The following OR2T6 variants were observed in gnomAD, a reference collection of about 807,000 sequenced individuals.
OR2T6 encodes the protein olfactory receptor family 2 subfamily T member 6, also known as olfactory receptor 2T6.
For synonymous variants in OR2T6, 174 were observed against 148.0 expected, an observed-to-expected ratio of 1.18 and a Z score of -1.27; for missense variants, 424 against 391.6, an observed-to-expected ratio of 1.08 and a Z score of -0.70.
chr1:248,377,683 A>G (rs187237658), intron 1 of OR2T6, among the ~76,000 whole-genome samples: 2 of 152,348 alleles, frequency 1.3e-5, no homozygotes, highest in Admixed American at 1.3e-4. Flanking sequence ...TGAAATACAA[A>G]GTTCATAGTA....
At chr1:248,387,445 G>C (rs1488594625) in intron 2 of OR2T6, among the ~76,000 whole-genome samples, 160 bp from the exon 3 acceptor site, 1 of 152,082 alleles carries the variant, frequency 6.6e-6, no homozygotes, top group Non-Finnish European at 1.5e-5. Context: ...AAATAGCCAA[G>C]AAAAAGGAAG....
chr1:248,376,667 A>T (rs1558303475), intron 1 of OR2T6, among the ~76,000 whole-genome samples: 1 of 148,924 alleles, frequency 6.7e-6, no homozygotes, highest in Non-Finnish European at 1.5e-5. Flanking sequence ...ATTTTTTTCA[A>T]CTTTTATTTT....
At position 248,387,999 on chromosome 1, in the gene OR2T6, C is replaced by T. The variant is rs758848003; in HGVS notation, c.391C>T (p.Arg131Cys). 2.9e-5 allele frequency: 46 copies of T among 1,611,952 alleles called. No individual in the cohort carries two copies. Among genetic ancestry groups the T allele is most frequent in the Admixed American group, 1.3e-4 (8 of 59,930 alleles). Reference protein sequence around the residue: ...DRYVAICNPLRYPVLISWRVC... With the variant: ...DRYVAICNPLCYPVLISWRVC... ...CTACGTGGCCATCTGCAACCCACTGCGCTATCCTGTCCTCATCAGCTGGCG... is the reference window on the plus strand; with the variant it reads ...CTACGTGGCCATCTGCAACCCACTGTGCTATCCTGTCCTCATCAGCTGGCG... The change falls in exon 3 of 3, where the codon CGC (arginine) becomes TGC (cysteine). Residue 131 changes from arginine to cysteine, a missense_variant. By Grantham distance (180) the Arg-to-Cys change is radical (BLOSUM62 -3). Transcript: ENST00000641644.
intron 1 of OR2T6, among the ~76,000 whole-genome samples, chr1:248,379,001 T>A (rs533654121): frequency 6.6e-6 from 1 of 152,198 alleles, no homozygotes; most frequent in Admixed American, 6.5e-5. Context: ...GGCAAGACCC[T>A]GTTTCTACAA....
rs371220147 is a variant in OR2T6, at chr1:248,387,635, C to A, written c.27C>A (p.Thr9=). Residue 9 remains threonine (T), a synonymous_variant, in exon 3 of 3, where the codon ACC becomes ACA. Transcript: ENST00000641644. MNENNETL[T]RGFTLMGLFT... ...TGAATGAAAACAATGAAACCTTGAC[C>A]AGAGGCTTTACCCTCATGGGGCTCT... 1 of 1,593,750 alleles carries A rather than the reference C, an allele frequency of 6.3e-7. No homozygotes were observed. Among genetic ancestry groups the A allele is most frequent in the African/African-American group, 1.3e-5 (1 of 74,416 alleles).
chr1:248,384,414 G>T (rs1280301981), intron 1 of OR2T6, among the ~76,000 whole-genome samples: 2 of 65,920 alleles, frequency 3.0e-5, no homozygotes, highest in Admixed American at 1.5e-4. Flanking sequence ...TCATCATGGA[G>T]AAAGCACTGC....
intron 2 of OR2T6, among the ~76,000 whole-genome samples, chr1:248,385,890 A>G (rs149172633): frequency 6.6e-5 from 10 of 152,350 alleles, no homozygotes; most frequent in African/African-American, 2.2e-4. Flanking sequence ...TCCTTTGCAT[A>G]TGTTACATGA....
rs560874578 is a variant in OR2T6 at position 248,391,257 on chromosome 1, C to A, written c.*2722C>A. ...TTAAATGGATAAAGTGTGGCACATG[C>A]ATACAGTGGAATATTATTTAGTGTT... is the stretch of plus-strand genomic sequence containing the variant. On this transcript the variant is annotated 3_prime_UTR_variant, in exon 3 of 3. Coordinates refer to ENST00000641644, the MANE Select transcript of OR2T6 (RefSeq NM_001005471.2). 1 of 152,096 alleles carries A rather than the reference C, an allele frequency of 6.6e-6. No individual in the cohort carries two copies. Among genetic ancestry groups the A allele is most frequent in the East Asian group, 1.9e-4 (1 of 5,196 alleles). 9.4% of individuals were successfully genotyped at this position (152,096 alleles called of 1,614,324 possible). A position where few individuals can be genotyped will look rare whatever the true frequency, so the allele number is the denominator to read the frequency against.
chr1:248,382,025 C>G (rs1260261806), intron 1 of OR2T6, among the ~76,000 whole-genome samples: 3 of 152,076 alleles, frequency 2.0e-5, no homozygotes, highest in African/African-American at 7.2e-5. Flanking sequence ...AACTTGGGCC[C>G]TTTCTATTAT....
Position 248,388,579 on chromosome 1 carries a change from C to T in OR2T6, c.*44C>T, listed in dbSNP as rs143008501. The T allele has an allele frequency of 6.9e-5, 99 of 1,438,278 alleles. No homozygotes were observed. The African/African-American group carries it at 1.3e-3, about 18-fold the overall frequency. The allele number at this position is 1,438,278 out of a possible 1,614,324, so 89.1% of individuals were successfully genotyped here. A position where few individuals can be genotyped will look rare whatever the true frequency, so the allele number is the denominator to read the frequency against. ...AGGAAAGAATTCTGATGGTCTAAAA[C>T]CTCCACATCCTGTTCAGGCATATAT... On this transcript the variant is annotated 3_prime_UTR_variant, in exon 3 of 3. Coordinates refer to ENST00000641644, the MANE Select transcript of OR2T6 (RefSeq NM_001005471.2).
chr1:248,375,848 C>T lies in OR2T6; in HGVS notation c.-365C>T, dbSNP rs947146731. The T allele has an allele frequency of 7.4e-5, 11 of 148,772 alleles. No individual in the cohort carries two copies. Among genetic ancestry groups the T allele is most frequent in the African/African-American group, 2.9e-4 (11 of 38,568 alleles). The allele number at this position is 148,772 out of a possible 1,614,324, so 9.2% of individuals were successfully genotyped here. On this transcript the variant is annotated 5_prime_UTR_variant, in exon 1 of 3. Coordinates refer to ENST00000641644, the MANE Select transcript of OR2T6 (RefSeq NM_001005471.2). ...TCTTCAAATACCTCTAACTGGCACT[C>T]TCTTTTTTTTTTTGAAGCTTTTGCC... is the stretch of plus-strand genomic sequence containing the variant.
intron 1 of OR2T6, among the ~76,000 whole-genome samples, chr1:248,379,654 TGA>T (rs1020669321): frequency 6.6e-6 from 1 of 152,192 alleles, no homozygotes; most frequent in Admixed American, 6.5e-5. Flanking sequence ...TTTATAATTA[TGA>T]GAGTTTTCTG....
Position 248,387,707 on chromosome 1 carries a change from C to T in OR2T6, c.99C>T (p.Ala33=), listed in dbSNP as rs141047914. The T allele has an allele frequency of 1.4e-4, 230 of 1,613,552 alleles. No homozygotes were observed. Among genetic ancestry groups the T allele is most frequent in the Non-Finnish European group, 1.8e-4 (215 of 1,179,662 alleles). Residue 33 remains alanine (A), a synonymous_variant, in exon 3 of 3, where the codon GCC becomes GCT. Coordinates refer to ENST00000641644, the MANE Select transcript of OR2T6 (RefSeq NM_001005471.2). ...CSGFFFGVIC[A]VFFMAMIANG... is the part of the protein sequence containing the mutation. Reference sequence around the variant, plus strand: ...GATTCTTTTTCGGTGTCATTTGTGCCGTCTTCTTCATGGCCATGATAGCTA... The same window carrying T: ...GATTCTTTTTCGGTGTCATTTGTGCTGTCTTCTTCATGGCCATGATAGCTA...
At chr1:248,386,299 G>A (rs145566787) in intron 2 of OR2T6, among the ~76,000 whole-genome samples, 1 of 152,160 alleles carries the variant, frequency 6.6e-6, no homozygotes, top group South Asian at 2.1e-4. Context: ...ATCTAAGATT[G>A]TGTATGGTTT....
chr1:248,379,118 T>C (rs911585037), intron 1 of OR2T6, among the ~76,000 whole-genome samples: 1 of 152,134 alleles, frequency 6.6e-6, no homozygotes, highest in Non-Finnish European at 1.5e-5. Context: ...GAGGCTACAA[T>C]GAGCAGTGAT....
Position 248,388,495 on chromosome 1 carries a change from A to T in OR2T6, c.887A>T (p.Asp296Val). The change falls in exon 3 of 3, where the codon GAT (aspartate) becomes GTT (valine). Residue 296 changes from aspartate (D) to valine (V), a missense_variant. Physicochemically the swap from Asp to Val is radical, Grantham distance 152 (BLOSUM62 -3). Coordinates refer to ENST00000641644, the MANE Select transcript of OR2T6 (RefSeq NM_001005471.2). ...NPLIYSLRNR[D>V]VMGALKRVVA... ...CTCATCTACAGTCTGAGGAACAGGG[A>T]TGTGATGGGTGCCTTGAAGAGAGTT... 1 of 1,592,492 alleles carries T rather than the reference A, an allele frequency of 6.3e-7. No homozygotes were observed. Among genetic ancestry groups the T allele is most frequent in the Non-Finnish European group, 8.5e-7 (1 of 1,169,950 alleles).
At position 248,383,635 on chromosome 1, in the gene OR2T6, C is replaced by T. The variant is rs76326665; in HGVS notation, c.-158-1076C>T. ...CTAGCCTGAGTGTGCTCATCCTATC[C>T]TGAAGTGTTTCCTAATGTTATTGTC... On this transcript the variant is annotated intron_variant, in intron 1 of 2. Transcript: ENST00000641644. Among the ~76,000 whole-genome samples the T allele has an allele frequency of 6.0e-3, 250 of 41,708 alleles. 28 individuals carry two copies. Among genetic ancestry groups the T allele is most frequent in the South Asian group, 0.016 (14 of 866 alleles). The allele number at this position is 41,708 out of a possible 152,430, so 27.4% of individuals were successfully genotyped here. A position where few individuals can be genotyped will look rare whatever the true frequency, so the allele number is the denominator to read the frequency against.
chr1:248,381,044 A>G (rs1661020243), intron 1 of OR2T6, among the ~76,000 whole-genome samples: 1 of 152,006 alleles, frequency 6.6e-6, no homozygotes. Flanking sequence ...ATGATGTTGT[A>G]GCCATGATTA....
rs1661245573 is a variant in OR2T6, at chr1:248,391,289, A to G, written c.*2754A>G. On this transcript the variant is annotated 3_prime_UTR_variant, in exon 3 of 3. Transcript: ENST00000641644. ...TGGAATATTATTTAGTGTTAAAAATAAATGATTTATCAAGCCATTGGAAGA... is the reference window on the plus strand; with the variant it reads ...TGGAATATTATTTAGTGTTAAAAATGAATGATTTATCAAGCCATTGGAAGA... 1 of 152,230 alleles carries G rather than the reference A, an allele frequency of 6.6e-6. No homozygotes were observed. Among genetic ancestry groups the G allele is most frequent in the African/African-American group, 2.4e-5 (1 of 41,464 alleles). The allele number at this position is 152,230 out of a possible 1,614,324, so 9.4% of individuals were successfully genotyped here.
Sources: gnomAD v4.1 joint callset for allele counts (sites outside exome capture counted in the v4.1 genomes callset) on GRCh38, gnomAD v4.1.1 for gene constraint, MANE v1.5 for transcripts, NCBI Gene and HGNC (gene_info 2026-07-23, HGNC 2026-07-21) for gene names.